The following POU2AF1 variants were observed in gnomAD, a reference collection of about 807,000 sequenced individuals.
POU2AF1 encodes POU class 2 homeobox associating factor 1.
A neutral mutation model predicts 26.3 loss-of-function variants in POU2AF1; 12 were observed. That is an observed-to-expected ratio of 0.46 (90% CI 0.29 to 0.74). The LOEUF is 0.74. Ranked by LOEUF, POU2AF1 falls within the 30% of genes least tolerant of loss-of-function variation. POU2AF1 has a pLI of 0.09. For missense variants in POU2AF1, 297 were observed against 334.5 expected (o/e 0.89, Z 0.87); for synonymous variants, 175 against 148.0 (o/e 1.18, Z -1.32).
intron 1 of POU2AF1, among the ~76,000 whole-genome samples, chr11:111,365,371 C>A (rs1334804425): frequency 1.3e-5 from 2 of 152,062 alleles, no homozygotes; most frequent in South Asian, 2.1e-4. Flanking sequence ...AGGAACTTAC[C>A]TAAACAACAG....
At position 111,367,286 on chromosome 11, in the gene POU2AF1, A is replaced by C. The variant is rs1254466130; in HGVS notation, c.17-8368T>G. ...AGGTCTGTTGAATGAATGGGTGGTA[A>C]AGGTCCATGTGTTTCCTGGTCACAT... On this transcript the variant is annotated intron_variant, in intron 1 of 4. Transcript: ENST00000393067. Among the ~76,000 whole-genome samples, 25 of 152,266 alleles carry C rather than the reference A, an allele frequency of 1.6e-4. No individual in the cohort carries two copies. In the East Asian group the frequency reaches 4.8e-3, roughly 29 times the overall value.
intron 2 of POU2AF1, among the ~76,000 whole-genome samples, chr11:111,358,388 ACTCC>A (rs1160588498): frequency 1.7e-4 from 11 of 65,100 alleles, no homozygotes; most frequent in African/African-American, 3.9e-4. Flanking sequence ...TCTCACACAC[ACTCC>A]CTCACACACA....
rs766796928 is a variant in POU2AF1, at chr11:111,354,480, G to A, written c.552C>T (p.Ser184=). The A allele has an allele frequency of 1.9e-6, 3 of 1,608,616 alleles. No individual in the cohort carries two copies. Among genetic ancestry groups the A allele is most frequent in the South Asian group, 1.1e-5 (1 of 90,310 alleles). ...LTYFPWPQPL[S]TLPTSTLQYQ... is the part of the protein sequence containing the mutation. ...ACTGCAGGGTGGAGGTGGGTAGTGTGGAAAGGGGCTGAGGCCACGGGAAAT... is the reference window on the plus strand; with the variant it reads ...ACTGCAGGGTGGAGGTGGGTAGTGTAGAAAGGGGCTGAGGCCACGGGAAAT... Residue 184 remains serine, a synonymous_variant, in exon 5 of 5, where the codon TCC becomes TCT. Coordinates refer to ENST00000393067, the MANE Select transcript of POU2AF1 (RefSeq NM_006235.3).
chr11:111,353,932 A>AGGAGGGAAGGAAG lies in POU2AF1; in HGVS notation c.*316_*328dup, dbSNP rs1860787070. ...GGTAAAGAAGGAAAGGGAGAAGGGA[A>AGGAGGGAAGGAAG]GGAGGGAAGGAAGGGAGGGAGGAAA... is the stretch of plus-strand genomic sequence containing the variant. On this transcript the variant is annotated 3_prime_UTR_variant, in exon 5 of 5. Coordinates refer to ENST00000393067, the MANE Select transcript of POU2AF1 (RefSeq NM_006235.3). The AGGAGGGAAGGAAG allele has an allele frequency of 1.4e-5, 4 of 286,292 alleles. No homozygotes were observed. The highest frequency in any genetic ancestry group is 2.6e-5 in the Non-Finnish European group (4 of 155,388). The allele number at this position is 286,292 out of a possible 1,614,324, so 17.7% of individuals were successfully genotyped here.
Position 111,358,386 on chromosome 11 carries a change from ACACTCC to A in POU2AF1, c.147+396_147+401del, listed in dbSNP as rs1301854570. Among the ~76,000 whole-genome samples, 212 of 77,858 alleles carry A rather than the reference ACACTCC, an allele frequency of 2.7e-3. 2 individuals are homozygous for A. The highest frequency in any genetic ancestry group is 8.2e-3 in the African/African-American group (198 of 24,032). The allele number at this position is 77,858 out of a possible 152,430, so 51.1% of individuals were successfully genotyped here. ...CACACACTCACACACTCTCTCACACACACTCCCTCACACACATACTCTCTCACACAC... is the reference window on the plus strand; with the variant it reads ...CACACACTCACACACTCTCTCACACACTCACACACATACTCTCTCACACAC... On this transcript the variant is annotated intron_variant, in intron 2 of 4. Transcript: ENST00000393067.
intron 1 of POU2AF1, among the ~76,000 whole-genome samples, chr11:111,362,333 A>T (rs1255474906): frequency 6.6e-6 from 1 of 152,204 alleles, no homozygotes; most frequent in African/African-American, 2.4e-5. Flanking sequence ...TTATACTTTT[A>T]GTTATTTTTA....
intron 1 of POU2AF1, chr11:111,359,185 C>G: frequency 1.8e-6 from 1 of 546,962 alleles, no homozygotes; most frequent in South Asian, 2.1e-5. Context: ...CCATTTTTCT[C>G]ACCACTTTGC....
chr11:111,377,549 G>A (rs556824485), intron 1 of POU2AF1, among the ~76,000 whole-genome samples: 1 of 152,254 alleles, frequency 6.6e-6, no homozygotes, highest in African/African-American at 2.4e-5. Flanking sequence ...GACTTCGGTG[G>A]CACCTCACTT....
chr11:111,374,053 T>G (rs191131673), intron 1 of POU2AF1, among the ~76,000 whole-genome samples: 2 of 151,828 alleles, frequency 1.3e-5, no homozygotes, highest in Admixed American at 1.3e-4. Flanking sequence ...AAAGCAAATA[T>G]TTATAAGACT....
intron 2 of POU2AF1, 42 bp from the exon 3 acceptor site, chr11:111,357,879 C>T (rs371346223): frequency 2.6e-6 from 4 of 1,555,356 alleles, no homozygotes; most frequent in South Asian, 1.2e-5. Context: ...GTTTAGCCCT[C>T]GTCAACCGGC....
Position 111,354,167 on chromosome 11 carries a change from A to T in POU2AF1, c.*94T>A, listed in dbSNP as rs1288414571. 10 of 1,383,886 alleles carry T rather than the reference A, an allele frequency of 7.2e-6. No homozygotes were observed. The highest frequency in any genetic ancestry group is 4.4e-5 in the Admixed American group (2 of 45,280). The allele number at this position is 1,383,886 out of a possible 1,614,324, so 85.7% of individuals were successfully genotyped here. Reference sequence around the variant, plus strand: ...TGTGCGTAGAAAGTGTAGTCATGAAATGACTACTCCAAACAAGCATGAACC... The same window carrying T: ...TGTGCGTAGAAAGTGTAGTCATGAATTGACTACTCCAAACAAGCATGAACC... On this transcript the variant is annotated 3_prime_UTR_variant, in exon 5 of 5. Transcript: ENST00000393067.
intron 2 of POU2AF1, 94 bp downstream of exon 2, chr11:111,358,691 CACA>C (rs1591193021): frequency 3.0e-6 from 4 of 1,326,074 alleles, no homozygotes; most frequent in Non-Finnish European, 3.0e-6. Context: ...CACACGCATA[CACA>C]TACTCACACA....
chr11:111,364,525 A>G (rs1363867367), intron 1 of POU2AF1, among the ~76,000 whole-genome samples: 1 of 152,202 alleles, frequency 6.6e-6, no homozygotes, highest in Non-Finnish European at 1.5e-5. Context: ...GTCAATGGTA[A>G]CTTCTCTTCT....
chr11:111,357,921 G>A, intron 2 of POU2AF1, 84 bp from the exon 3 acceptor site: 1 of 1,190,254 alleles, frequency 8.4e-7, no homozygotes, highest in Non-Finnish European at 1.1e-6. Flanking sequence ...GAGGGCCTCA[G>A]GGCAGGAGAA....
intron 1 of POU2AF1, among the ~76,000 whole-genome samples, chr11:111,372,772 C>T (rs917789487): frequency 1.3e-5 from 2 of 152,144 alleles, no homozygotes; most frequent in African/African-American, 4.8e-5. Flanking sequence ...GGCAATGTGC[C>T]CAGCTAAACA....
chr11:111,353,605 A>G lies in POU2AF1; in HGVS notation c.*656T>C, dbSNP rs1246066732. ...GAACTGACAGCTCAAGGACTCTGGC[A>G]TCAGGGTAGGCCCTTGGCTGACTTT... On this transcript the variant is annotated 3_prime_UTR_variant, in exon 5 of 5. Coordinates refer to ENST00000393067, the MANE Select transcript of POU2AF1 (RefSeq NM_006235.3). 1 of 233,466 alleles carries G rather than the reference A, an allele frequency of 4.3e-6. No individual in the cohort carries two copies. The highest frequency in any genetic ancestry group is 2.2e-5 in the African/African-American group (1 of 45,356). The allele number at this position is 233,466 out of a possible 1,614,324, so 14.5% of individuals were successfully genotyped here. A position where few individuals can be genotyped will look rare whatever the true frequency, so the allele number is the denominator to read the frequency against.
Position 111,374,022 on chromosome 11 carries a change from C to A in POU2AF1, c.16+5140G>T, listed in dbSNP as rs891980558. ...AGAAAGATGTCAAAGGGGGAAAAAA[C>A]ACTTTGTAATGGGAAAGTTAAAAGC... On this transcript the variant is annotated intron_variant, in intron 1 of 4. Coordinates refer to ENST00000393067, the MANE Select transcript of POU2AF1 (RefSeq NM_006235.3). 2.0e-5 allele frequency among the ~76,000 whole-genome samples: 3 copies of A among 151,642 alleles called. No individual in the cohort carries two copies. In the South Asian group the frequency reaches 6.2e-4, roughly 32 times the overall value.
In POU2AF1 at chr11:111,376,345, C is replaced by G. The variant is rs145022663; in HGVS notation, c.16+2817G>C. On this transcript the variant is annotated intron_variant, in intron 1 of 4. Coordinates refer to ENST00000393067, the MANE Select transcript of POU2AF1 (RefSeq NM_006235.3). ...CAAGGTTCCTGCTATTTCCACTACA[C>G]TGTTACTAGCTGGGGAGGGATGGTA... 1.7e-3 allele frequency among the ~76,000 whole-genome samples: 259 copies of G among 152,302 alleles called. 1 individual carries two copies. The highest frequency in any genetic ancestry group is 3.5e-3 in the Admixed American group (54 of 15,308).
intron 1 of POU2AF1, among the ~76,000 whole-genome samples, chr11:111,371,846 G>A (rs1023460814): frequency 6.6e-6 from 1 of 152,056 alleles, no homozygotes; most frequent in Non-Finnish European, 1.5e-5. Flanking sequence ...GAGGAAAAAG[G>A]ACTTACCAGT....
Sources: gnomAD v4.1 joint callset for allele counts (sites outside exome capture counted in the v4.1 genomes callset) on GRCh38, gnomAD v4.1.1 for gene constraint, MANE v1.5 for transcripts, NCBI Gene and HGNC (gene_info 2026-07-23, HGNC 2026-07-21) for gene names.